The following MILR1 variants were observed in gnomAD, a reference collection of about 807,000 sequenced individuals.
MILR1 encodes the protein mast cell immunoglobulin like receptor 1.
A neutral mutation model predicts 18.5 loss-of-function variants in MILR1; 31 were observed. The ratio of observed to expected loss-of-function variants is 1.68; its 90% CI spans 1.26 to 2.26. The LOEUF (loss-of-function observed/expected upper bound fraction) is 2.26, where lower values mean the gene tolerates loss of function less well. MILR1 is among the 30% of genes most tolerant of loss of function. The pLI, the probability that MILR1 is intolerant of heterozygous loss-of-function variation, is 0.00. For synonymous variants in MILR1, 85 were observed against 56.2 expected (o/e 1.51, Z -2.30); for missense variants, 257 against 157.4 (o/e 1.63, Z -3.38).
chr17:64,493,989 A>T, the MILR1 span, among the ~76,000 whole-genome samples: 2 of 152,190 alleles, frequency 1.3e-5, no homozygotes, highest in African/African-American at 4.8e-5. Context: ...AGTTAACCAT[A>T]ATACCACAAT....
the MILR1 span, chr17:64,477,974 C>G: frequency 6.2e-7 from 1 of 1,613,756 alleles, no homozygotes. Context: ...GAAGAGAATA[C>G]TCATTTCATC....
At chr17:64,494,911 C>G in the MILR1 span, among the ~76,000 whole-genome samples, 1 of 152,310 alleles carries the variant, frequency 6.6e-6, no homozygotes, top group South Asian at 2.1e-4. Context: ...CAGTGGCTCA[C>G]GCCTGTAATC....
rs2037328349 is a variant in MILR1 at position 64,457,526 on chromosome 17, T to C, written c.494T>C (p.Val165Ala). The change falls in exon 4 of 10, where the codon GTT (valine) becomes GCT (alanine). Residue 165 changes from valine to alanine, a missense_variant. Physicochemically the swap from Val to Ala is moderately conservative, Grantham distance 64. Coordinates refer to ENST00000619286, the MANE Select transcript of MILR1 (RefSeq NM_001085423.2). The stretch of plus-strand genomic sequence containing the variant: ...AATTACACTTTCTTTGAAAACCATG[T>C]TGCCATATCACCAGCTATTTCCAAG... ...PINYTFFENH[V>A]AISPAISKYD... is the part of the protein sequence containing the mutation. 1 of 475,338 alleles carries C rather than the reference T, an allele frequency of 2.1e-6. No homozygotes were observed. The highest frequency in any genetic ancestry group is 3.9e-6 in the Non-Finnish European group (1 of 259,086). 29.4% of individuals were successfully genotyped at this position (475,338 alleles called of 1,614,324 possible).
In MILR1 at chr17:64,452,666, G is replaced by A. The variant is rs1040708658; in HGVS notation, c.167G>A (p.Cys56Tyr). ...AAGGGTCAAAATGTATCTATGTTTT[G>A]TTCCCATAAGAACAAATCACTGCAG... ...VMKGQNVSMF[C>Y]SHKNKSLQIT... Residue 56 changes from cysteine (C) to tyrosine (Y), a missense_variant, in exon 3 of 10, where the codon TGT becomes TAT. Cys to Tyr is a radical substitution (Grantham distance 194). Coordinates refer to ENST00000619286, the MANE Select transcript of MILR1 (RefSeq NM_001085423.2). The A allele has an allele frequency of 1.7e-5, 8 of 468,284 alleles. No homozygotes were observed. The South Asian group carries it at 2.9e-4, about 17-fold the overall frequency. 29.0% of individuals were successfully genotyped at this position (468,284 alleles called of 1,614,324 possible). A position where few individuals can be genotyped will look rare whatever the true frequency, so the allele number is the denominator to read the frequency against.
the MILR1 span, chr17:64,490,897 A>G: frequency 3.1e-6 from 5 of 1,613,866 alleles, no homozygotes; most frequent in Admixed American, 1.7e-5. Flanking sequence ...AAATTGTAGT[A>G]AAGTTTGTTT....
At chr17:64,471,004 G>T (rs1322832131), downstream of MILR1, among the ~76,000 whole-genome samples, 1 of 152,106 alleles carries the variant, frequency 6.6e-6, no homozygotes, top group Non-Finnish European at 1.5e-5. Context: ...CGTTCTAAGG[G>T]TTCTCACTGC....
At chr17:64,463,817 ATTTTT>A (rs1200586705) in intron 5 of MILR1, among the ~76,000 whole-genome samples, 1 of 103,922 alleles carries the variant, frequency 9.6e-6, no homozygotes, top group Non-Finnish European at 1.9e-5. Context: ...CTCCTGGCTA[ATTTTT>A]TTTTTTTTTT....
the MILR1 span, among the ~76,000 whole-genome samples, chr17:64,487,940 G>A: frequency 1.1e-4 from 16 of 152,312 alleles, no homozygotes; most frequent in South Asian, 1.2e-3. Flanking sequence ...AACAATATCT[G>A]ATTTCTCACA....
rs1258168825 is a variant in MILR1 at position 64,457,405 on chromosome 17, G to A, written c.373G>A (p.Val125Met). Residue 125 changes from valine (V) to methionine (M), a missense_variant, in exon 4 of 10, where the codon GTG becomes ATG. Val to Met is a conservative substitution (Grantham distance 21). Transcript: ENST00000619286. ...RDFSFTIVDP[V>M]TSPVLNIMVI... ...GTTCACTTTCATTCTTCCAGACCCGGTGACTTCCCCAGTGCTGAACATTAT... is the reference window on the plus strand; with the variant it reads ...GTTCACTTTCATTCTTCCAGACCCGATGACTTCCCCAGTGCTGAACATTAT... 3 of 475,276 alleles carry A rather than the reference G, an allele frequency of 6.3e-6. No individual in the cohort carries two copies. The highest frequency in any genetic ancestry group is 1.2e-5 in the Non-Finnish European group (3 of 259,052). 29.4% of individuals were successfully genotyped at this position (475,276 alleles called of 1,614,324 possible).
downstream of MILR1, among the ~76,000 whole-genome samples, chr17:64,471,258 G>A (rs1484333231): frequency 6.6e-6 from 1 of 152,082 alleles, no homozygotes. Flanking sequence ...CACTGTGGTG[G>A]GCAGCTGGAC....
downstream of MILR1, among the ~76,000 whole-genome samples, chr17:64,469,410 G>T (rs8069702): frequency 0.28 from 42,084 of 151,908 alleles, 11,230 homozygotes; most frequent in African/African-American, 0.7. Flanking sequence ...CATTTCCTTT[G>T]TTTTGGAGAC....
chr17:64,485,936 G>A, the MILR1 span: 50 of 1,479,962 alleles, frequency 3.4e-5, no homozygotes, highest in Non-Finnish European at 3.8e-5. Context: ...TTTTTGAGAC[G>A]GAGTCTCACT....
chr17:64,465,111 T>C (rs944111394), intron 5 of MILR1, among the ~76,000 whole-genome samples: 14 of 152,076 alleles, frequency 9.2e-5, no homozygotes, highest in African/African-American at 2.9e-4. Flanking sequence ...AAGAATTCAA[T>C]AGGCCATTTA....
At chr17:64,481,836 C>T in the MILR1 span, among the ~76,000 whole-genome samples, 3 of 151,694 alleles carry the variant, frequency 2.0e-5, no homozygotes, top group Admixed American at 6.6e-5. Context: ...GATCGTGCCA[C>T]TGCACTCCAG....
chr17:64,489,121 T>C, the MILR1 span, among the ~76,000 whole-genome samples: 1 of 150,396 alleles, frequency 6.6e-6, no homozygotes, highest in African/African-American at 2.4e-5. Flanking sequence ...TGGAACAATA[T>C]ATTGCTACAA....
At chr17:64,461,526 G>C (rs1166120405) in intron 5 of MILR1, among the ~76,000 whole-genome samples, 1 of 152,110 alleles carries the variant, frequency 6.6e-6, no homozygotes, top group Non-Finnish European at 1.5e-5. Flanking sequence ...TGGGATTACA[G>C]GTGTGAGCCA....
the MILR1 span, among the ~76,000 whole-genome samples, chr17:64,495,177 C>CAAAAAAAAAAAAAAA: frequency 8.4e-6 from 1 of 119,352 alleles, no homozygotes; most frequent in Admixed American, 8.6e-5. Context: ...GACTCTGTCT[C>CAAAAAAAAAAAAAAA]AAAAAAAAAA....
chr17:64,473,208 G>A (rs1252158891), downstream of MILR1, among the ~76,000 whole-genome samples: 2 of 151,996 alleles, frequency 1.3e-5, no homozygotes, highest in Non-Finnish European at 2.9e-5. Flanking sequence ...AACATTGGCC[G>A]GGCGAGGTGG....
chr17:64,483,107 T>C, the MILR1 span: 9 of 620,472 alleles, frequency 1.5e-5, no homozygotes, highest in Non-Finnish European at 2.6e-5. Context: ...AAACAGTTTC[T>C]TAACAGTTAT....
Sources: gnomAD v4.1 joint callset for allele counts (sites outside exome capture counted in the v4.1 genomes callset) on GRCh38, gnomAD v4.1.1 for gene constraint, MANE v1.5 for transcripts, NCBI Gene and HGNC (gene_info 2026-07-23, HGNC 2026-07-21) for gene names.